ZNF318: variants seen among roughly 807,000 people sequenced by gnomAD.
ZNF318 encodes the protein zinc finger protein 318.
In ZNF318, 51 loss-of-function variants were observed where a neutral mutation model predicts 124.2. That is an observed-to-expected ratio of 0.41 (90% CI 0.33 to 0.52). The LOEUF (loss-of-function observed/expected upper bound fraction) is 0.52, where lower values mean the gene tolerates loss of function less well. ZNF318 is among the 20% of genes least tolerant of loss of function. The pLI is 0.23. For missense variants in ZNF318, 2,815 were observed against 2,811.2 expected (o/e 1.00, Z -0.03); for synonymous variants, 1,090 against 1,040.7 (o/e 1.05, Z -0.91).
chr6:43,351,637 T>C (rs1001900591), intron 5 of ZNF318, among the ~76,000 whole-genome samples: 3 of 152,048 alleles, frequency 2.0e-5, no homozygotes, highest in African/African-American at 7.2e-5. Context: ...GGCACACACC[T>C]GTAATCCCAG....
chr6:43,353,645 A>G (rs1779564063), intron 4 of ZNF318, among the ~76,000 whole-genome samples: 1 of 152,198 alleles, frequency 6.6e-6, no homozygotes. Flanking sequence ...AAGTGCTGGG[A>G]TTACAGGCAT....
At chr6:43,364,805 T>C (rs980072715) in intron 2 of ZNF318, among the ~76,000 whole-genome samples, 15 of 152,368 alleles carry the variant, frequency 9.8e-5, no homozygotes, top group African/African-American at 3.4e-4. Context: ...TAGCTTTCTA[T>C]TAATACTTTA....
In ZNF318 at chr6:43,339,840, A is replaced by C; in HGVS notation, c.4158T>G (p.Ala1386=). The change falls in exon 10 of 10, where the codon GCT becomes GCG. Residue 1386 remains alanine (A), a synonymous_variant. Coordinates refer to ENST00000361428, the MANE Select transcript of ZNF318 (RefSeq NM_014345.3). The surrounding 1 kb of genome is among the most constrained non-coding windows in gnomAD (Gnocchi z 4.2). ...FLSIKSSGTT[A]KPLPVVKESS... ...ACTCTTTAACCACTGGCAGAGGTTT[A>C]GCAGTGGTTCCAGAGGACTTAATAG... 6.2e-7 allele frequency: 1 copy of C among 1,614,190 alleles called. No individual in the cohort carries two copies.
At chr6:43,340,723 A>G in intron 9 of ZNF318, 67 bp downstream of exon 9, 1 of 1,546,072 alleles carries the variant, frequency 6.5e-7, no homozygotes, top group Non-Finnish European at 8.9e-7. Flanking sequence ...CTCGGACGCC[A>G]TTTGACAAAG....
chr6:43,357,010 G>C, intron 3 of ZNF318, 116 bp downstream of exon 3: 1 of 1,249,314 alleles, frequency 8.0e-7, no homozygotes, highest in South Asian at 1.5e-5. Context: ...AGCTCACAAT[G>C]TCGGTCCAGC....
Position 43,338,640 on chromosome 6 carries a change from C to A in ZNF318, c.5358G>T (p.Lys1786Asn). ...ETNTELKERV[K>N]ELSEGIVDEG... ...CATCAACTATCCCCTCAGACAGCTC[C>A]TTTACCCTTTCTTTTAGTTCAGTGT... The change falls in exon 10 of 10, where the codon AAG becomes AAT. Residue 1786 changes from lysine (K) to asparagine (N), a missense_variant. By Grantham distance (94) the Lys-to-Asn change is moderately conservative. Around this residue, in one of 4 missense-constraint regions of ZNF318, gnomAD observed 927 missense variants for 820.6 expected, o/e 1.13. Coordinates refer to ENST00000361428, the MANE Select transcript of ZNF318 (RefSeq NM_014345.3). The A allele has an allele frequency of 6.2e-7, 1 of 1,614,160 alleles. No homozygotes were observed. The highest frequency in any genetic ancestry group is 8.5e-7 in the Non-Finnish European group (1 of 1,180,026).
Position 43,355,800 on chromosome 6 carries a change from T to G in ZNF318, c.1534A>C (p.Ser512Arg), listed in dbSNP as rs1445005442. 1 of 1,614,228 alleles carries G rather than the reference T, an allele frequency of 6.2e-7. No individual in the cohort carries two copies. The highest frequency in any genetic ancestry group is 1.7e-5 in the Admixed American group (1 of 60,026). The change falls in exon 4 of 10, where the codon AGC becomes CGC. Residue 512 changes from serine to arginine, a missense_variant. By Grantham distance (110) the Ser-to-Arg change is moderately radical (BLOSUM62 -1). Transcript: ENST00000361428. ...QDGSGFSRIL[S>R]MLADSTSTQE... is the part of the protein sequence containing the mutation. ...GTACTGGTAGAATCAGCCAACATGC[T>G]CAGAATGCGGGAAAAACCACTGCCA... is the stretch of plus-strand genomic sequence containing the variant.
At position 43,339,957 on chromosome 6, in the gene ZNF318, C is replaced by A; in HGVS notation, c.4041G>T (p.Lys1347Asn). 6.2e-7 allele frequency: 1 copy of A among 1,614,166 alleles called. No individual in the cohort carries two copies. The highest frequency in any genetic ancestry group is 8.5e-7 in the Non-Finnish European group (1 of 1,180,032). The change falls in exon 10 of 10, where the codon AAG becomes AAT. Residue 1347 changes from lysine (K) to asparagine (N), a missense_variant. Around this residue, in one of 4 missense-constraint regions of ZNF318, gnomAD observed 500 missense variants for 605.2 expected, o/e 0.83. Coordinates refer to ENST00000361428, the MANE Select transcript of ZNF318 (RefSeq NM_014345.3). The surrounding 1 kb of genome is among the most constrained non-coding windows in gnomAD (Gnocchi z 4.2). The part of the protein sequence containing the change: ...MPVVTTSTQT[K>N]IRPNLPIPST... Reference sequence around the variant, plus strand: ...ATGGAATAGGCAGGTTGGGTCGGATCTTAGTCTGTGTGGAAGTTGTCACAA... The same window carrying A: ...ATGGAATAGGCAGGTTGGGTCGGATATTAGTCTGTGTGGAAGTTGTCACAA...
rs1379798079 is a variant in ZNF318, at chr6:43,338,194, T to A, written c.5804A>T (p.Tyr1935Phe). The A allele has an allele frequency of 3.1e-6, 5 of 1,614,056 alleles. No individual in the cohort carries two copies. The highest frequency in any genetic ancestry group is 4.2e-6 in the Non-Finnish European group (5 of 1,180,022). Reference protein sequence around the residue: ...APESASRTSRYRSLKLKRERS... With the variant: ...APESASRTSRFRSLKLKRERS... ...TTCTCTCTTGAGTTTGAGACTTCTG[T>A]ACCTAGAAGTTCTAGAAGCTGATTC... The change falls in exon 10 of 10, where the codon TAC becomes TTC. Residue 1935 changes from tyrosine to phenylalanine, a missense_variant. Transcript: ENST00000361428.
intron 8 of ZNF318, among the ~76,000 whole-genome samples, chr6:43,341,208 G>A (rs185440624): frequency 2.6e-4 from 40 of 152,214 alleles, no homozygotes; most frequent in Non-Finnish European, 4.6e-4. Context: ...CTAGCACCAA[G>A]CATCTCAGGA....
intron 1 of ZNF318, among the ~76,000 whole-genome samples, chr6:43,367,342 A>G (rs959384181): frequency 1.3e-5 from 2 of 152,242 alleles, no homozygotes; most frequent in African/African-American, 4.8e-5. Context: ...GTAGATGCTC[A>G]ATAAATACAT....
intron 5 of ZNF318, among the ~76,000 whole-genome samples, chr6:43,351,799 A>G (rs1442066141): frequency 6.6e-6 from 1 of 151,858 alleles, no homozygotes; most frequent in African/African-American, 2.4e-5. Context: ...ACACACACAC[A>G]TACACACAAA....
In ZNF318 at chr6:43,355,492, G is replaced by A. The variant is rs1431380078; in HGVS notation, c.1842C>T (p.Arg614=). 2 of 1,614,078 alleles carry A rather than the reference G, an allele frequency of 1.2e-6. No homozygotes were observed. The highest frequency in any genetic ancestry group is 2.2e-5 in the East Asian group (1 of 44,898). ...TCTTGCCATGAAGTCGTTCCTGGGT[G>A]CGTGCAGCCAATTGACTAATCTCTG... is the stretch of plus-strand genomic sequence containing the variant. ...GVAEISQLAA[R]TQERLHGKKP... The change falls in exon 4 of 10, where the codon CGC becomes CGT. Residue 614 remains arginine, a synonymous_variant. Transcript: ENST00000361428.
rs751254480 is a variant in ZNF318, at chr6:43,354,932, C to A, written c.2402G>T (p.Arg801Ile). ...YRHYMAYAAS[R>I]WPMYPTSQPS... is the part of the protein sequence containing the mutation. ...TTGAGAGGTGGGATACATGGGCCAT[C>A]TGGAGGCTGCATATGCCATGTAGTG... The change falls in exon 4 of 10, where the codon AGA becomes ATA. Residue 801 changes from arginine (R) to isoleucine (I), a missense_variant. By Grantham distance (97) the Arg-to-Ile change is moderately conservative (BLOSUM62 -3). Transcript: ENST00000361428. The A allele has an allele frequency of 6.2e-7, 1 of 1,610,482 alleles. No homozygotes were observed. The highest frequency in any genetic ancestry group is 1.3e-5 in the African/African-American group (1 of 74,864).
chr6:43,369,239 G>T lies in ZNF318; in HGVS notation c.127C>A (p.Pro43Thr). ...CGCGACGAGGAGCCGGAGGGCGGAG[G>T]CGGCGGTGAGCTGCGGCGAGCCGGG... Reference protein sequence around the residue: ...SGPARRSSPPPPPSGSSSRTP... With the variant: ...SGPARRSSPPTPPSGSSSRTP... The change falls in exon 1 of 10, where the codon CCT (proline) becomes ACT (threonine). Residue 43 changes from proline to threonine, a missense_variant. Transcript: ENST00000361428. The T allele has an allele frequency of 1.6e-6, 2 of 1,235,666 alleles. No individual in the cohort carries two copies. The highest frequency in any genetic ancestry group is 2.0e-6 in the Non-Finnish European group (2 of 989,120). The allele number at this position is 1,235,666 out of a possible 1,614,324, so 76.5% of individuals were successfully genotyped here.
At position 43,338,841 on chromosome 6, in the gene ZNF318, A is replaced by G. The variant is rs1456653182; in HGVS notation, c.5157T>C (p.Leu1719=). 9.3e-6 allele frequency: 15 copies of G among 1,614,048 alleles called. No homozygotes were observed. Among genetic ancestry groups the G allele is most frequent in the Non-Finnish European group, 1.3e-5 (15 of 1,180,042 alleles). ...CAGGTGGTCCTGGCTCTCCCAGGTCAAGCTCACTCTTCTCTGGAGATATAT... is the reference window on the plus strand; with the variant it reads ...CAGGTGGTCCTGGCTCTCCCAGGTCGAGCTCACTCTTCTCTGGAGATATAT... ...SRDISPEKSE[L]DLGEPGPPGV... is the part of the protein sequence containing the mutation. The change falls in exon 10 of 10, where the codon CTT becomes CTC. Residue 1719 remains leucine, a synonymous_variant. Coordinates refer to ENST00000361428, the MANE Select transcript of ZNF318 (RefSeq NM_014345.3).
At chr6:43,356,275 A>G (rs1043463536) in intron 3 of ZNF318, 130 bp from the exon 4 acceptor site, 4 of 965,198 alleles carry the variant, frequency 4.1e-6, no homozygotes, top group Non-Finnish European at 6.0e-6. Flanking sequence ...AAAGGGAGGA[A>G]AAGTATCCTT....
chr6:43,336,959 C>T lies in ZNF318; in HGVS notation c.*199G>A, dbSNP rs1157396368. The T allele has an allele frequency of 8.0e-6, 3 of 375,198 alleles. No homozygotes were observed. Among genetic ancestry groups the T allele is most frequent in the East Asian group, 4.2e-5 (1 of 23,746 alleles). The allele number at this position is 375,198 out of a possible 1,614,324, so 23.2% of individuals were successfully genotyped here. On this transcript the variant is annotated 3_prime_UTR_variant, in exon 10 of 10. Transcript: ENST00000361428. ...TATATATATATATATAAGTTGTTAT[C>T]GATTTGTCTGGTGTTTTAAGGGGAA...
chr6:43,354,583 T>G, intron 4 of ZNF318, 81 bp downstream of exon 4: 1 of 1,344,808 alleles, frequency 7.4e-7, no homozygotes, highest in Non-Finnish European at 1.0e-6. Context: ...CTTACAAATT[T>G]TCAGCCCCTT....
Sources: allele counts gnomAD v4.1 joint callset (sites outside exome capture counted in the v4.1 genomes callset), GRCh38; gene constraint gnomAD v4.1.1; regional missense constraint gnomAD v4.1.1; non-coding constraint Gnocchi (gnomAD v3.1); transcripts MANE v1.5; gene names NCBI Gene and HGNC (gene_info 2026-07-23, HGNC 2026-07-21).